PSME4: variants seen among roughly 807,000 people sequenced by gnomAD.
PSME4 encodes the protein proteasome activator complex subunit 4.
PSME4 carries 89 observed loss-of-function variants against 253.9 expected under a neutral mutation model. That is an observed-to-expected ratio of 0.35 (90% CI 0.30 to 0.42). The LOEUF is 0.42. Ranked by LOEUF, PSME4 falls within the 10% of genes least tolerant of loss-of-function variation. PSME4 has a pLI of 1.00. For missense variants in PSME4, 2,014 were observed against 2,195.2 expected (o/e 0.92, Z 1.65); for synonymous variants, 851 against 759.2 (o/e 1.12, Z -1.99).
At chr2:53,877,601 C>T (rs1007807098) in intron 41 of PSME4, among the ~76,000 whole-genome samples, 2 of 152,124 alleles carry the variant, frequency 1.3e-5, no homozygotes, top group African/African-American at 2.4e-5. Context: ...ACCTACTTAA[C>T]GGGATTCCTG....
rs533234323 is a variant in PSME4, at chr2:53,970,799, C to A, written c.-15G>T. On this transcript the variant is annotated 5_prime_UTR_variant, in exon 1 of 47. Coordinates refer to ENST00000404125, the MANE Select transcript of PSME4 (RefSeq NM_014614.3). ...GCCGGCTCCATGAGCCCAGGGACAC[C>A]CCCCCCACCCCCTCCCACCCGAACC... 3.3e-6 allele frequency: 5 copies of A among 1,493,650 alleles called. No individual in the cohort carries two copies. The highest frequency in any genetic ancestry group is 5.0e-5 in the East Asian group (2 of 39,984). 92.5% of individuals were successfully genotyped at this position (1,493,650 alleles called of 1,614,324 possible).
At chr2:53,887,039 G>C (rs1442210889) in intron 40 of PSME4, among the ~76,000 whole-genome samples, 1 of 152,162 alleles carries the variant, frequency 6.6e-6, no homozygotes. Context: ...CAAAGTTTCA[G>C]TTTCGTATGA....
In PSME4 at chr2:53,910,120, T is replaced by C. The variant is rs1179571486; in HGVS notation, c.2527A>G (p.Met843Val). 6.2e-6 allele frequency: 10 copies of C among 1,606,476 alleles called. No individual in the cohort carries two copies. Among genetic ancestry groups the C allele is most frequent in the African/African-American group, 1.3e-5 (1 of 74,798 alleles). ...AACTTTGTCTCTTCCAAGGACACCA[T>C]ACTTGGTACTCTGTATAAAAACAAG... ...GEPVTNLVPSMVSLEETKLYT... is the reference protein window; with the variant it reads ...GEPVTNLVPSVVSLEETKLYT... Residue 843 changes from methionine to valine, a missense_variant, in exon 21 of 47, where the codon ATG becomes GTG. Met to Val is a conservative substitution (Grantham distance 21, BLOSUM62 1). Coordinates refer to ENST00000404125, the MANE Select transcript of PSME4 (RefSeq NM_014614.3).
At chr2:53,881,866 G>A (rs1181523517) in intron 41 of PSME4, among the ~76,000 whole-genome samples, 1 of 152,092 alleles carries the variant, frequency 6.6e-6, no homozygotes, top group African/African-American at 2.4e-5. Flanking sequence ...TTACAGGCGT[G>A]AGCCACTGTG....
At chr2:53,916,565 G>A (rs1668073735) in intron 20 of PSME4, among the ~76,000 whole-genome samples, 1 of 152,056 alleles carries the variant, frequency 6.6e-6, no homozygotes, top group Non-Finnish European at 1.5e-5. Context: ...CTTCACACCA[G>A]GCAGTATGAA....
intron 26 of PSME4, 65 bp from the exon 27 acceptor site, chr2:53,904,221 A>G (rs1230791769): frequency 5.7e-6 from 8 of 1,408,346 alleles, no homozygotes; most frequent in Admixed American, 2.3e-5. Context: ...GTTTAAAACA[A>G]ATTATCAAAA....
intron 7 of PSME4, 145 bp downstream of exon 7, chr2:53,935,942 G>A (rs556223819): frequency 4.4e-6 from 4 of 917,202 alleles, no homozygotes; most frequent in South Asian, 7.6e-5. Context: ...CACCCAGGCT[G>A]GAGTGCAGTA....
intron 1 of PSME4, among the ~76,000 whole-genome samples, chr2:53,952,688 A>T (rs1032047219): frequency 6.6e-6 from 1 of 152,252 alleles, no homozygotes; most frequent in African/African-American, 2.4e-5. Context: ...GGAGAATCTC[A>T]TAAGGAGTAC....
intron 32 of PSME4, 123 bp from the exon 33 acceptor site, chr2:53,895,859 T>A: frequency 2.4e-6 from 2 of 831,408 alleles, no homozygotes; most frequent in Non-Finnish European, 3.6e-6. Context: ...AAAATAACAT[T>A]AAGATAACAT....
chr2:53,952,303 G>T (rs1670037117), intron 1 of PSME4, among the ~76,000 whole-genome samples: 1 of 152,146 alleles, frequency 6.6e-6, no homozygotes, highest in Non-Finnish European at 1.5e-5. Flanking sequence ...AGCACTTTGG[G>T]AGGCCGAGGC....
At chr2:53,894,688 G>A (rs1217066543) in intron 34 of PSME4, among the ~76,000 whole-genome samples, 1 of 149,496 alleles carries the variant, frequency 6.7e-6, no homozygotes, top group Non-Finnish European at 1.5e-5. Context: ...CTAAAAATCA[G>A]TCATTAACTT....
At chr2:53,898,268 G>C in intron 30 of PSME4, 33 bp downstream of exon 30, 1 of 1,570,712 alleles carries the variant, frequency 6.4e-7, no homozygotes, top group Non-Finnish European at 8.7e-7. Flanking sequence ...TATGAAAAAT[G>C]CTGTGAGAAT....
chr2:53,888,088 T>A, intron 38 of PSME4, 99 bp from the exon 39 acceptor site: 1 of 1,291,086 alleles, frequency 7.7e-7, no homozygotes, highest in Non-Finnish European at 1.0e-6. Flanking sequence ...TAAAGCTTTT[T>A]CGTTTTTTCA....
intron 43 of PSME4, among the ~76,000 whole-genome samples, chr2:53,873,153 AT>A (rs1678966514): frequency 6.6e-6 from 1 of 150,672 alleles, no homozygotes; most frequent in Non-Finnish European, 1.5e-5. Context: ...AGGCAGGAGA[AT>A]GGCGTGAACC....
At position 53,970,735 on chromosome 2, in the gene PSME4, C is replaced by A; in HGVS notation, c.50G>T (p.Gly17Val). The A allele has an allele frequency of 6.5e-7, 1 of 1,547,168 alleles. No homozygotes were observed. ...GCCCCGCGGGCCCGGCTCGGGACGCCCGCCCGGCTCCGGGGGCTCTCCGAC... is the reference window on the plus strand; with the variant it reads ...GCCCCGCGGGCCCGGCTCGGGACGCACGCCCGGCTCCGGGGGCTCTCCGAC... ...AGVGEPPEPG[G>V]RPEPGPRGFV... Residue 17 changes from glycine to valine, a missense_variant, in exon 1 of 47, where the codon GGG (glycine) becomes GTG (valine). Transcript: ENST00000404125.
intron 43 of PSME4, among the ~76,000 whole-genome samples, chr2:53,872,966 C>T (rs796311798): frequency 5.3e-5 from 8 of 151,498 alleles, no homozygotes; most frequent in South Asian, 4.2e-4. Context: ...CCAGGCCAGG[C>T]GTGGTGGCTC....
chr2:53,902,073 G>GA (rs1398390917), intron 27 of PSME4, among the ~76,000 whole-genome samples: 2 of 151,782 alleles, frequency 1.3e-5, no homozygotes, highest in African/African-American at 4.8e-5. Flanking sequence ...TCTCCAAAAA[G>GA]AAAAAAAGAA....
At position 53,925,508 on chromosome 2, in the gene PSME4, G is replaced by A. The variant is rs534414093; in HGVS notation, c.1809+31C>T. 8 of 1,477,160 alleles carry A rather than the reference G, an allele frequency of 5.4e-6. 1 individual carries two copies. Among genetic ancestry groups the A allele is most frequent in the South Asian group, 4.5e-5 (3 of 66,184 alleles). 91.5% of individuals were successfully genotyped at this position (1,477,160 alleles called of 1,614,324 possible). The stretch of plus-strand genomic sequence containing the variant: ...AAACATCAAATGAAACTTAAAAGCT[G>A]GAAGTTTATTTTTTGCAGCAATGTT... On this transcript the variant is annotated intron_variant, in intron 14 of 46. Transcript: ENST00000404125.
intron 21 of PSME4, 148 bp from the exon 22 acceptor site, chr2:53,908,988 C>G: frequency 1.9e-6 from 1 of 538,626 alleles, no homozygotes; most frequent in Non-Finnish European, 3.3e-6. Context: ...AATGGCTAGG[C>G]ATGCTACAGC....
Sources: gnomAD v4.1 joint callset for allele counts (sites outside exome capture counted in the v4.1 genomes callset) on GRCh38, gnomAD v4.1.1 for gene constraint, MANE v1.5 for transcripts, NCBI Gene and HGNC (gene_info 2026-07-23, HGNC 2026-07-21) for gene names.